Variants in SSH3 observed in about 807,000 individuals in gnomAD.
SSH3 encodes slingshot protein phosphatase 3.
A neutral mutation model predicts 75.0 loss-of-function variants in SSH3; 67 were observed. The ratio of observed to expected loss-of-function variants is 0.89; its 90% confidence interval spans 0.73 to 1.10. The LOEUF is 1.10. Ranked by LOEUF, SSH3 falls within the 50% of genes least tolerant of loss-of-function variation. The probability of loss-of-function intolerance (pLI) is 0.00; values close to 1 mark genes in which losing one functional copy is unlikely to be tolerated. For synonymous variants in SSH3, 318 were observed against 349.2 expected (o/e 0.91, Z 1.00); for missense variants, 824 against 872.7 (o/e 0.94, Z 0.70).
In SSH3 at chr11:67,312,137, T is replaced by C; in HGVS notation, c.*250T>C. 2 of 577,530 alleles carry C rather than the reference T, an allele frequency of 3.5e-6. No homozygotes were observed. The highest frequency in any genetic ancestry group is 3.3e-5 in the Admixed American group (1 of 30,238). The allele number at this position is 577,530 out of a possible 1,614,324, so 35.8% of individuals were successfully genotyped here. ...GGCTCAAGACTTTCTAACTGGGATG[T>C]GGTAGAGGGACTGAAGGTACCTTTG... On this transcript the variant is annotated 3_prime_UTR_variant, in exon 14 of 14. Coordinates refer to ENST00000308127, the MANE Select transcript of SSH3 (RefSeq NM_017857.4).
Position 67,304,986 on chromosome 11 carries a change from G to T in SSH3, c.318G>T (p.Arg106Ser). 6.2e-7 allele frequency: 1 copy of T among 1,612,072 alleles called. No individual in the cohort carries two copies. Among genetic ancestry groups the T allele is most frequent in the Non-Finnish European group, 8.5e-7 (1 of 1,179,662 alleles). ...TGCACCTCATGGTACAGCTGCTGAG[G>T]CCGCAGGATGACATCCGCCTGGTGA... ...QHLHLMVQLLRPQDDIRLAAQ... is the reference protein window; with the variant it reads ...QHLHLMVQLLSPQDDIRLAAQ... The change falls in exon 3 of 14, where the codon AGG (arginine) becomes AGT (serine). Residue 106 changes from arginine to serine, a missense_variant. Physicochemically the swap from Arg to Ser is moderately radical, Grantham distance 110. Coordinates refer to ENST00000308127, the MANE Select transcript of SSH3 (RefSeq NM_017857.4).
At chr11:67,306,517 T>C (rs1861249417) in intron 3 of SSH3, among the ~76,000 whole-genome samples, 1 of 151,938 alleles carries the variant, frequency 6.6e-6, no homozygotes, top group Admixed American at 6.6e-5. Flanking sequence ...GGGAGGATCA[T>C]GTGAGCCTCG....
In SSH3 at chr11:67,306,830, C is replaced by A; in HGVS notation, c.340-8C>A. On this transcript the variant is annotated splice_polypyrimidine_tract_variant and splice_region_variant and intron_variant, in intron 3 of 13. Coordinates refer to ENST00000308127, the MANE Select transcript of SSH3 (RefSeq NM_017857.4). ...CACTGTGACCCTGGGTTCCTCATCTCCCCCCAGGCAGCCCAGCTGGAGGCA... is the reference window on the plus strand; with the variant it reads ...CACTGTGACCCTGGGTTCCTCATCTACCCCCAGGCAGCCCAGCTGGAGGCA... 6.2e-7 allele frequency: 1 copy of A among 1,605,718 alleles called. No homozygotes were observed. Among genetic ancestry groups the A allele is most frequent in the Non-Finnish European group, 8.5e-7 (1 of 1,175,486 alleles).
rs200239451 is a variant in SSH3, at chr11:67,307,513, G to A, written c.603-36G>A. On this transcript the variant is annotated intron_variant, in intron 6 of 13. Transcript: ENST00000308127. The surrounding 1 kb of genome is among the most constrained non-coding windows in gnomAD (Gnocchi z 4.2). ...TGCAGGGCCTGGGGAAGGGCAGCAA[G>A]GGAACAGTGTGACCCAGCCTCTCCT... The A allele has an allele frequency of 2.7e-5, 44 of 1,612,202 alleles. No homozygotes were observed. The East Asian group carries it at 9.4e-4, about 34-fold the overall frequency.
At chr11:67,311,269 G>A (rs574627114) in intron 13 of SSH3, among the ~76,000 whole-genome samples, 8 of 152,332 alleles carry the variant, frequency 5.3e-5, no homozygotes, top group African/African-American at 1.9e-4. Flanking sequence ...CCTACGCAAA[G>A]GCAGAGAAAG....
chr11:67,307,976 A>T lies in SSH3; in HGVS notation c.885+37A>T. The stretch of plus-strand genomic sequence containing the variant: ...GCCCGGGGACTGAGTCCCCTCTAGC[A>T]GGGGCTGCAAGCTTGCCTTTCCTGG... On this transcript the variant is annotated intron_variant, in intron 8 of 13. Coordinates refer to ENST00000308127, the MANE Select transcript of SSH3 (RefSeq NM_017857.4). The surrounding 1 kb of genome is among the most constrained non-coding windows in gnomAD (Gnocchi z 4.2). 6.2e-7 allele frequency: 1 copy of T among 1,612,560 alleles called. No homozygotes were observed. The highest frequency in any genetic ancestry group is 1.1e-5 in the South Asian group (1 of 90,962).
chr11:67,311,972 C>A lies in SSH3; in HGVS notation c.*85C>A. On this transcript the variant is annotated 3_prime_UTR_variant, in exon 14 of 14. Transcript: ENST00000308127. Reference sequence around the variant, plus strand: ...ACACCCTCACGTCTGTTGCCGCACACATTCCTCTCAGCTCCGCCCCATACC... The same window carrying A: ...ACACCCTCACGTCTGTTGCCGCACAAATTCCTCTCAGCTCCGCCCCATACC... 6.4e-7 allele frequency: 1 copy of A among 1,553,676 alleles called. No homozygotes were observed. Among genetic ancestry groups the A allele is most frequent in the South Asian group, 1.2e-5 (1 of 86,034 alleles).
Position 67,308,428 on chromosome 11 carries a change from C to A in SSH3, c.1031C>A (p.Ala344Glu), listed in dbSNP as rs1297621026. The A allele has an allele frequency of 6.2e-7, 1 of 1,608,506 alleles. No individual in the cohort carries two copies. The highest frequency in any genetic ancestry group is 1.7e-5 in the Admixed American group (1 of 59,042). Residue 344 changes from alanine (A) to glutamate (E), a missense_variant, in exon 10 of 14, where the codon GCA becomes GAA. Transcript: ENST00000308127. This position sits in a 1 kb window ranked among gnomAD's most constrained non-coding sequence, Gnocchi z 4.9. Reference sequence around the variant, plus strand: ...CTCTCCCAGGGCTCAGAGTGGAACGCAGCAAACCTGGAGGAGCTGCAGAGG... The same window carrying A: ...CTCTCCCAGGGCTCAGAGTGGAACGAAGCAAACCTGGAGGAGCTGCAGAGG... The part of the protein sequence containing the change: ...PHLYLGSEWN[A>E]ANLEELQRNR...
intron 3 of SSH3, among the ~76,000 whole-genome samples, chr11:67,305,279 C>T (rs973264103): frequency 7.2e-5 from 11 of 151,794 alleles, no homozygotes; most frequent in Middle Eastern, 3.4e-3. Context: ...TTCCACCTCC[C>T]GGGTTCACAC....
intron 13 of SSH3, among the ~76,000 whole-genome samples, chr11:67,311,237 C>T (rs1861402247): frequency 6.6e-6 from 1 of 152,168 alleles, no homozygotes; most frequent in Non-Finnish European, 1.5e-5. Flanking sequence ...CTGGTGCCGG[C>T]ACGGGTTTCA....
chr11:67,308,087 G>A lies in SSH3; in HGVS notation c.886-87G>A, dbSNP rs1389775416. The A allele has an allele frequency of 2.0e-5, 32 of 1,587,490 alleles. No homozygotes were observed. Among genetic ancestry groups the A allele is most frequent in the Non-Finnish European group, 2.6e-5 (30 of 1,167,424 alleles). On this transcript the variant is annotated intron_variant, in intron 8 of 13. Transcript: ENST00000308127. This position sits in a 1 kb window ranked among gnomAD's most constrained non-coding sequence, Gnocchi z 4.9. ...CCCTAATCCATCTAGATGGGATAGG[G>A]TGCTGTCCTCAGAGGTCCCAGAGGG...
chr11:67,307,807 A>G lies in SSH3; in HGVS notation c.792-39A>G, dbSNP rs1284011198. The G allele has an allele frequency of 6.2e-7, 1 of 1,613,854 alleles. No individual in the cohort carries two copies. Among genetic ancestry groups the G allele is most frequent in the African/African-American group, 1.3e-5 (1 of 75,000 alleles). On this transcript the variant is annotated intron_variant, in intron 7 of 13. Coordinates refer to ENST00000308127, the MANE Select transcript of SSH3 (RefSeq NM_017857.4). This position sits in a 1 kb window ranked among gnomAD's most constrained non-coding sequence, Gnocchi z 4.2. ...TAATGCAGTGGGGGGCATGGTGGAG[A>G]GGGGAAAGGGCCCCTTGACTGAGGG...
At position 67,309,891 on chromosome 11, in the gene SSH3, G is replaced by A. The variant is rs1319189978; in HGVS notation, c.1332G>A (p.Gln444=). Residue 444 remains glutamine, a synonymous_variant, in exon 12 of 14, where the codon CAG becomes CAA. Transcript: ENST00000308127. ...CSLEQALRHV[Q]ELRPIARPNP... is the part of the protein sequence containing the mutation. The stretch of plus-strand genomic sequence containing the variant: ...TGGAGCAGGCCCTGCGCCACGTGCA[G>A]GAGCTCCGGCCCATCGCCCGCCCCA... The A allele has an allele frequency of 2.5e-6, 4 of 1,612,054 alleles. No individual in the cohort carries two copies. The South Asian group carries it at 4.4e-5, about 18-fold the overall frequency.
rs748094424 is a variant in SSH3, at chr11:67,309,349, C to G, written c.1062-48C>G. The G allele has an allele frequency of 5.6e-6, 9 of 1,609,826 alleles. No individual in the cohort carries two copies. The African/African-American group carries it at 1.2e-4, about 22-fold the overall frequency. On this transcript the variant is annotated intron_variant, in intron 10 of 13. Coordinates refer to ENST00000308127, the MANE Select transcript of SSH3 (RefSeq NM_017857.4). ...GCTGCCAGGTCCGATTGCCAGTGGGCCTGGTACCTCTGCCCACATCAGCCT... is the reference window on the plus strand; with the variant it reads ...GCTGCCAGGTCCGATTGCCAGTGGGGCTGGTACCTCTGCCCACATCAGCCT...
chr11:67,305,025 G>A lies in SSH3; in HGVS notation c.339+18G>A, dbSNP rs1861192967. 1 of 1,586,974 alleles carries A rather than the reference G, an allele frequency of 6.3e-7. No individual in the cohort carries two copies. The highest frequency in any genetic ancestry group is 1.1e-5 in the South Asian group (1 of 87,762). ...TCCGCCTGGTGAGGGCCCATGTGGA[G>A]CTCCGGGGGGTGGGGGGAAGAGACA... On this transcript the variant is annotated intron_variant, in intron 3 of 13. Transcript: ENST00000308127.
rs1012150809 is a variant in SSH3 at position 67,308,522 on chromosome 11, G to A, written c.1061+64G>A. On this transcript the variant is annotated intron_variant, in intron 10 of 13. Transcript: ENST00000308127. This position sits in a 1 kb window ranked among gnomAD's most constrained non-coding sequence, Gnocchi z 4.9. ...CCCTTCTCCTGGCCTCCCCGCATTG[G>A]GTGGTAGCCAGCTTCAAAAACCCCT... 1.3e-6 allele frequency: 2 copies of A among 1,541,600 alleles called. No homozygotes were observed. The highest frequency in any genetic ancestry group is 1.8e-6 in the Non-Finnish European group (2 of 1,140,554).
rs190798920 is a variant in SSH3 at position 67,306,834 on chromosome 11, C to T, written c.340-4C>T. On this transcript the variant is annotated splice_polypyrimidine_tract_variant and splice_region_variant and intron_variant, in intron 3 of 13. Transcript: ENST00000308127. ...GTGACCCTGGGTTCCTCATCTCCCC[C>T]CAGGCAGCCCAGCTGGAGGCACCCC... 10 of 1,608,196 alleles carry T rather than the reference C, an allele frequency of 6.2e-6. No homozygotes were observed. In the East Asian group the frequency reaches 6.7e-5, roughly 11 times the overall value.
At position 67,309,968 on chromosome 11, in the gene SSH3, G is replaced by C; in HGVS notation, c.1409G>C (p.Ser470Thr). The C allele has an allele frequency of 6.2e-7, 1 of 1,610,430 alleles. No individual in the cohort carries two copies. The highest frequency in any genetic ancestry group is 1.1e-5 in the South Asian group (1 of 91,058). Residue 470 changes from serine to threonine, a missense_variant and splice_region_variant, in exon 12 of 14, where the codon AGC becomes ACC. Ser to Thr is a moderately conservative substitution (Grantham distance 58). Coordinates refer to ENST00000308127, the MANE Select transcript of SSH3 (RefSeq NM_017857.4). ...LQIYQGILTA[S>T]RQSHVWEQKV... The stretch of plus-strand genomic sequence containing the variant: ...ATCTACCAGGGCATCCTGACGGCCA[G>C]GTATGGGATGGGAGCGAGTGGCAGG...
Position 67,306,862 on chromosome 11 carries a change from C to A in SSH3, c.364C>A (p.Pro122Thr). 8.1e-6 allele frequency: 13 copies of A among 1,612,676 alleles called. No individual in the cohort carries two copies. The highest frequency in any genetic ancestry group is 1.0e-5 in the Non-Finnish European group (12 of 1,179,118). Residue 122 changes from proline (P) to threonine (T), a missense_variant, in exon 4 of 14, where the codon CCT becomes ACT. Physicochemically the swap from Pro to Thr is conservative, Grantham distance 38. Transcript: ENST00000308127. ...GGCAGCCCAGCTGGAGGCACCCCGG[C>A]CTCCCCGGCTCCGCTACCTGCTGGT... ...RLAAQLEAPR[P>T]PRLRYLLVVS...
Sources: gnomAD v4.1 joint callset for allele counts (sites outside exome capture counted in the v4.1 genomes callset) on GRCh38, gnomAD v4.1.1 for gene constraint, Gnocchi (gnomAD v3.1) non-coding constraint, MANE v1.5 for transcripts, NCBI Gene and HGNC (gene_info 2026-07-23, HGNC 2026-07-21) for gene names.